Variants in GNAQ observed in about 807,000 individuals in gnomAD.
The protein encoded by GNAQ is guanine nucleotide-binding protein G(q) subunit alpha.
GNAQ carries 8 observed loss-of-function variants against 43.9 expected under a neutral mutation model. That is an observed-to-expected ratio of 0.18 (90% CI 0.11 to 0.33). GNAQ has a LOEUF of 0.33. Among genes scored for constraint, GNAQ ranks in the 10% least tolerant of loss-of-function variants. The pLI is 1.00. For missense variants in GNAQ, 158 were observed against 450.8 expected (o/e 0.35, Z 5.88); for synonymous variants, 155 against 170.7 (o/e 0.91, Z 0.71).
intron 1 of GNAQ, among the ~76,000 whole-genome samples, chr9:77,981,335 C>T (rs1823365669): frequency 6.6e-6 from 1 of 152,072 alleles, no homozygotes; most frequent in African/African-American, 2.4e-5. Flanking sequence ...ATAATCAGTC[C>T]TTTTGTTTAT....
chr9:77,985,760 G>T (rs1454713619), intron 1 of GNAQ, among the ~76,000 whole-genome samples: 3 of 151,612 alleles, frequency 2.0e-5, no homozygotes, highest in African/African-American at 7.3e-5. Flanking sequence ...CTAATTTTTT[G>T]GATTTTTAGT....
At chr9:77,772,939 C>A (rs1564106586) in intron 5 of GNAQ, among the ~76,000 whole-genome samples, 1 of 151,908 alleles carries the variant, frequency 6.6e-6, no homozygotes, top group African/African-American at 2.4e-5. Flanking sequence ...AGAAACACGC[C>A]AAAAAAAATC....
intron 1 of GNAQ, among the ~76,000 whole-genome samples, chr9:77,969,543 T>G (rs934836349): frequency 6.6e-6 from 1 of 152,352 alleles, no homozygotes; most frequent in South Asian, 2.1e-4. Flanking sequence ...GGTTACATTA[T>G]ATATAATACA....
intron 5 of GNAQ, among the ~76,000 whole-genome samples, chr9:77,739,726 G>A (rs1348837199): frequency 6.6e-6 from 1 of 152,150 alleles, no homozygotes; most frequent in East Asian, 1.9e-4. Flanking sequence ...AGAGTTGTTC[G>A]CAGGAGCAAA....
intron 1 of GNAQ, among the ~76,000 whole-genome samples, chr9:77,963,188 A>T (rs928337357): frequency 2.0e-5 from 3 of 152,200 alleles, no homozygotes; most frequent in East Asian, 3.8e-4. Context: ...GCAGTTTATA[A>T]GTGGATAGCT....
At chr9:77,923,246 G>A (rs1829024285) in intron 1 of GNAQ, among the ~76,000 whole-genome samples, 1 of 152,132 alleles carries the variant, frequency 6.6e-6, no homozygotes, top group South Asian at 2.1e-4. Flanking sequence ...TTGGTTGACT[G>A]AGTTATTCCA....
intron 1 of GNAQ, among the ~76,000 whole-genome samples, chr9:77,952,061 C>T (rs975366741): frequency 6.6e-6 from 1 of 152,162 alleles, no homozygotes; most frequent in Non-Finnish European, 1.5e-5. Context: ...AAAGACAAAA[C>T]TCATATTCAA....
intron 5 of GNAQ, among the ~76,000 whole-genome samples, chr9:77,765,204 C>G (rs966984794): frequency 6.6e-6 from 1 of 151,956 alleles, no homozygotes; most frequent in Non-Finnish European, 1.5e-5. Context: ...AGGACATTCT[C>G]CATGCATTGA....
At chr9:77,731,860 G>A (rs745836466) in intron 5 of GNAQ, among the ~76,000 whole-genome samples, 6 of 152,146 alleles carry the variant, frequency 3.9e-5, no homozygotes, top group Admixed American at 1.3e-4. Flanking sequence ...ACATACAGCC[G>A]AGAGTTTGAT....
At chr9:78,023,270 A>G (rs1823933325) in intron 1 of GNAQ, among the ~76,000 whole-genome samples, 3 of 152,178 alleles carry the variant, frequency 2.0e-5, no homozygotes, top group Admixed American at 1.3e-4. Flanking sequence ...ACACTCACAA[A>G]TTCCTTCCTT....
intron 5 of GNAQ, among the ~76,000 whole-genome samples, chr9:77,785,536 T>C (rs957298776): frequency 1.3e-5 from 2 of 152,234 alleles, no homozygotes; most frequent in African/African-American, 2.4e-5. Flanking sequence ...GAGCTGCTGA[T>C]AATATCTATT....
At chr9:77,878,419 A>C (rs1828160411) in intron 2 of GNAQ, among the ~76,000 whole-genome samples, 1 of 152,146 alleles carries the variant, frequency 6.6e-6, no homozygotes, top group South Asian at 2.1e-4. Flanking sequence ...GGGCAATTTC[A>C]TCTTCTTGGG....
At chr9:77,877,989 C>T (rs1828151574) in intron 2 of GNAQ, among the ~76,000 whole-genome samples, 1 of 152,136 alleles carries the variant, frequency 6.6e-6, no homozygotes, top group Admixed American at 6.5e-5. Flanking sequence ...AACTGTACAC[C>T]ACAATTTTAA....
intron 2 of GNAQ, among the ~76,000 whole-genome samples, chr9:77,868,201 T>C (rs1227322525): frequency 1.3e-5 from 2 of 152,192 alleles, no homozygotes; most frequent in Non-Finnish European, 2.9e-5. Context: ...TACTTAGTAA[T>C]AGAAATAATA....
intron 1 of GNAQ, among the ~76,000 whole-genome samples, chr9:77,931,408 CA>C (rs1829147990): frequency 6.6e-6 from 1 of 151,874 alleles, no homozygotes; most frequent in African/African-American, 2.4e-5. Context: ...CTGGTTAACA[CA>C]GTGAAACCCC....
intron 2 of GNAQ, among the ~76,000 whole-genome samples, chr9:77,900,605 C>G (rs1376757009): frequency 6.6e-6 from 1 of 152,176 alleles, no homozygotes; most frequent in Admixed American, 6.5e-5. Context: ...GTTGCCCAGG[C>G]TGGACTCCAA....
intron 1 of GNAQ, among the ~76,000 whole-genome samples, chr9:77,975,858 G>C (rs947459096): frequency 1.3e-5 from 2 of 152,066 alleles, no homozygotes; most frequent in African/African-American, 4.8e-5. Context: ...TTTTAATGGA[G>C]AGCAACAGGA....
intron 3 of GNAQ, among the ~76,000 whole-genome samples, chr9:77,805,269 A>G (rs2118482812): frequency 6.6e-6 from 1 of 152,270 alleles, no homozygotes. Flanking sequence ...CTCCACAAAC[A>G]CTTCCATCTC....
At chr9:77,859,681 G>A (rs1322797910) in intron 2 of GNAQ, among the ~76,000 whole-genome samples, 1 of 152,168 alleles carries the variant, frequency 6.6e-6, no homozygotes. Context: ...ATGTTCATTT[G>A]TTTATAGATT....
Sources: gnomAD v4.1 joint callset for allele counts (sites outside exome capture counted in the v4.1 genomes callset) on GRCh38, gnomAD v4.1.1 for gene constraint, MANE v1.5 for transcripts, NCBI Gene and HGNC (gene_info 2026-07-23, HGNC 2026-07-21) for gene names.